The following PELO variants were observed in gnomAD, a reference collection of about 807,000 sequenced individuals.
The protein encoded by PELO is pelota mRNA surveillance and ribosome rescue factor.
A neutral mutation model predicts 25.9 loss-of-function variants in PELO; 19 were observed. The ratio of observed to expected loss-of-function variants is 0.73; its 90% CI spans 0.51 to 1.08. The LOEUF is 1.08. Among genes scored for constraint, PELO ranks in the 50% least tolerant of loss-of-function variants. The pLI is 0.00. For synonymous variants in PELO, 196 were observed against 192.2 expected (o/e 1.02, Z -0.16); for missense variants, 498 against 491.4 (o/e 1.01, Z -0.13).
chr5:52,792,178 A>G (rs1748255118), intron 1 of PELO, among the ~76,000 whole-genome samples: 1 of 152,228 alleles, frequency 6.6e-6, no homozygotes, highest in Non-Finnish European at 1.5e-5. Context: ...TCTCTTCCCT[A>G]GAAACATTTT....
chr5:52,799,122 T>C (rs919616713), intron 1 of PELO, among the ~76,000 whole-genome samples: 1 of 152,216 alleles, frequency 6.6e-6, no homozygotes, highest in African/African-American at 2.4e-5. Context: ...AGAAGCTATG[T>C]GTGCAGGACT....
At position 52,800,070 on chromosome 5, in the gene PELO, G is replaced by A. The variant is rs1311155153; in HGVS notation, c.-325G>A. 2 of 327,164 alleles carry A rather than the reference G, an allele frequency of 6.1e-6. No individual in the cohort carries two copies. The highest frequency in any genetic ancestry group is 3.4e-5 in the South Asian group (1 of 29,658). The allele number at this position is 327,164 out of a possible 1,614,324, so 20.3% of individuals were successfully genotyped here. On this transcript the variant is annotated 5_prime_UTR_variant, in exon 2 of 3. Coordinates refer to ENST00000274311, the MANE Select transcript of PELO (RefSeq NM_015946.5). Reference sequence around the variant, plus strand: ...GGACGGGAGACGTGCGTCGGGTCGCGGGACGGGGGCTGCGCATGCGCCTTC... The same window carrying A: ...GGACGGGAGACGTGCGTCGGGTCGCAGGACGGGGGCTGCGCATGCGCCTTC...
Position 52,800,941 on chromosome 5 carries a change from G to A in PELO, c.547G>A (p.Glu183Lys). ...GNCSQHDRAL[E>K]RFYEQVVQAI... ...TTGCTCTCAGCATGACCGGGCCTTG[G>A]AGCGGTTCTATGAACAGGTGGTCCA... The change falls in exon 2 of 3, where the codon GAG (glutamate) becomes AAG (lysine). Residue 183 changes from glutamate to lysine, a missense_variant. By Grantham distance (56) the Glu-to-Lys change is moderately conservative. Transcript: ENST00000274311. 2 of 1,614,206 alleles carry A rather than the reference G, an allele frequency of 1.2e-6. No individual in the cohort carries two copies. Among genetic ancestry groups the A allele is most frequent in the Non-Finnish European group, 1.7e-6 (2 of 1,180,032 alleles).
At chr5:52,801,257 A>G in intron 2 of PELO, 137 bp downstream of exon 2, 2 of 1,152,118 alleles carry the variant, frequency 1.7e-6, no homozygotes, top group Non-Finnish European at 2.5e-6. Flanking sequence ...AATGAAATAA[A>G]AAGAGAATGT....
intron 1 of PELO, among the ~76,000 whole-genome samples, chr5:52,791,448 T>C (rs1199596099): frequency 6.6e-6 from 1 of 152,090 alleles, no homozygotes; most frequent in Non-Finnish European, 1.5e-5. Context: ...AGTGACAAAA[T>C]TGAAGCCCAG....
rs1361178058 is a variant in PELO at position 52,803,957 on chromosome 5, A to G, written c.*2117A>G. On this transcript the variant is annotated 3_prime_UTR_variant, in exon 3 of 3. Coordinates refer to ENST00000274311, the MANE Select transcript of PELO (RefSeq NM_015946.5). ...GGTCTTTCAAAAAAGTTAACTGGCC[A>G]TACTCAACTGTCTATAAAACCTCTA... is the stretch of plus-strand genomic sequence containing the variant. The G allele has an allele frequency of 2.0e-5, 3 of 152,160 alleles. No homozygotes were observed. Among genetic ancestry groups the G allele is most frequent in the Non-Finnish European group, 4.4e-5 (3 of 68,016 alleles). The allele number at this position is 152,160 out of a possible 1,614,324, so 9.4% of individuals were successfully genotyped here.
At chr5:52,795,703 T>A (rs1293678982) in intron 1 of PELO, among the ~76,000 whole-genome samples, 1 of 151,944 alleles carries the variant, frequency 6.6e-6, no homozygotes, top group Non-Finnish European at 1.5e-5. Context: ...TCCCTTGTTT[T>A]GTCTGATCCA....
In PELO at chr5:52,800,075, G is replaced by C; in HGVS notation, c.-320G>C. ...GGAGACGTGCGTCGGGTCGCGGGACGGGGGCTGCGCATGCGCCTTCATTTC... is the reference window on the plus strand; with the variant it reads ...GGAGACGTGCGTCGGGTCGCGGGACCGGGGCTGCGCATGCGCCTTCATTTC... On this transcript the variant is annotated 5_prime_UTR_variant, in exon 2 of 3. Coordinates refer to ENST00000274311, the MANE Select transcript of PELO (RefSeq NM_015946.5). The C allele has an allele frequency of 6.0e-6, 2 of 334,574 alleles. No individual in the cohort carries two copies. The highest frequency in any genetic ancestry group is 1.1e-5 in the Non-Finnish European group (2 of 179,132). 20.7% of individuals were successfully genotyped at this position (334,574 alleles called of 1,614,324 possible).
intron 1 of PELO, among the ~76,000 whole-genome samples, chr5:52,796,153 T>G (rs2111650941): frequency 6.6e-6 from 1 of 152,062 alleles, no homozygotes; most frequent in East Asian, 1.9e-4. Context: ...TGAAATAAAT[T>G]GGGTTCCAGA....
chr5:52,789,928 G>GA (rs1174780424), intron 1 of PELO, among the ~76,000 whole-genome samples: 18 of 152,316 alleles, frequency 1.2e-4, no homozygotes, highest in African/African-American at 4.1e-4. Flanking sequence ...ATATGTTGGT[G>GA]AAATATACAT....
chr5:52,792,608 C>T (rs1748263979), intron 1 of PELO, among the ~76,000 whole-genome samples: 1 of 152,182 alleles, frequency 6.6e-6, no homozygotes, highest in Non-Finnish European at 1.5e-5. Context: ...TGTTCCTCCA[C>T]TTCCAACCCA....
At chr5:52,791,562 C>G (rs11750032) in intron 1 of PELO, among the ~76,000 whole-genome samples, 1 of 152,168 alleles carries the variant, frequency 6.6e-6, no homozygotes, top group Admixed American at 6.5e-5. Flanking sequence ...ATCCAACCTT[C>G]CAGAGAACAA....
chr5:52,801,420 C>G lies in PELO; in HGVS notation c.738C>G (p.Ser246=), dbSNP rs145721878. The G allele has an allele frequency of 6.2e-7, 1 of 1,612,274 alleles. No individual in the cohort carries two copies. The change falls in exon 3 of 3, where the codon TCC becomes TCG. Residue 246 remains serine (S), a synonymous_variant. Transcript: ENST00000274311. ...NRSKFLQVHA[S]SGHKYSLKEA... Reference sequence around the variant, plus strand: ...AATTGTGATTCTAGGTACATGCCTCCTCCGGACACAAGTACTCCCTGAAAG... The same window carrying G: ...AATTGTGATTCTAGGTACATGCCTCGTCCGGACACAAGTACTCCCTGAAAG...
In PELO at chr5:52,800,423, A is replaced by G; in HGVS notation, c.29A>G (p.Lys10Arg). 1.2e-6 allele frequency: 2 copies of G among 1,614,030 alleles called. No individual in the cohort carries two copies. The highest frequency in any genetic ancestry group is 2.2e-5 in the South Asian group (2 of 91,086). ...AAGCTCGTGAGGAAGAACATCGAGA[A>G]GGACAATGCGGGCCAGGTGACCCTG... MKLVRKNIE[K>R]DNAGQVTLVP... The change falls in exon 2 of 3, where the codon AAG (lysine) becomes AGG (arginine). Residue 10 changes from lysine (K) to arginine (R), a missense_variant. Lys to Arg is a conservative substitution (Grantham distance 26). Transcript: ENST00000274311.
intron 1 of PELO, among the ~76,000 whole-genome samples, chr5:52,791,586 C>G (rs1748241998): frequency 6.6e-6 from 1 of 152,160 alleles, no homozygotes. Context: ...GCAAGACAAT[C>G]AATAACAGAA....
At chr5:52,789,080 T>C (rs1315944264) in intron 1 of PELO, among the ~76,000 whole-genome samples, 3 of 152,356 alleles carry the variant, frequency 2.0e-5, no homozygotes, top group Non-Finnish European at 2.9e-5. Flanking sequence ...CATAAATGTG[T>C]ATTTTTAAGG....
intron 1 of PELO, among the ~76,000 whole-genome samples, chr5:52,799,150 A>G (rs1162392328): frequency 6.6e-6 from 1 of 152,156 alleles, no homozygotes; most frequent in Non-Finnish European, 1.5e-5. Flanking sequence ...CCTCCACTCC[A>G]TCTAAGCTCT....
intron 1 of PELO, among the ~76,000 whole-genome samples, chr5:52,798,614 G>A (rs1748392100): frequency 6.6e-6 from 1 of 152,120 alleles, no homozygotes; most frequent in African/African-American, 2.4e-5. Context: ...CATGTGAGAG[G>A]GTAGCAGGGG....
Position 52,800,081 on chromosome 5 carries a change from T to G in PELO, c.-314T>G. 2.9e-6 allele frequency: 1 copy of G among 349,902 alleles called. No homozygotes were observed. The highest frequency in any genetic ancestry group is 3.1e-5 in the South Asian group (1 of 32,120). The allele number at this position is 349,902 out of a possible 1,614,324, so 21.7% of individuals were successfully genotyped here. ...GTGCGTCGGGTCGCGGGACGGGGGC[T>G]GCGCATGCGCCTTCATTTCGTCAGC... On this transcript the variant is annotated 5_prime_UTR_variant, in exon 2 of 3. Coordinates refer to ENST00000274311, the MANE Select transcript of PELO (RefSeq NM_015946.5).
Sources: allele counts gnomAD v4.1 joint callset (sites outside exome capture counted in the v4.1 genomes callset), GRCh38; gene constraint gnomAD v4.1.1; transcripts MANE v1.5; gene names NCBI Gene and HGNC (gene_info 2026-07-23, HGNC 2026-07-21).